GABRA2: variants seen among roughly 807,000 people sequenced by gnomAD.
The protein encoded by GABRA2 is gamma-aminobutyric acid receptor subunit alpha-2.
Under a neutral mutation model 48.7 loss-of-function variants are expected in GABRA2, and 16 were observed. The ratio of observed to expected loss-of-function variants is 0.33; its 90% CI spans 0.22 to 0.50. GABRA2 has a LOEUF of 0.50. GABRA2 is among the 20% of genes least tolerant of loss of function. The pLI, the probability that GABRA2 is intolerant of heterozygous loss-of-function variation, is 0.98. For synonymous variants in GABRA2, 185 were observed against 184.5 expected (o/e 1.00, Z -0.02); for missense variants, 275 against 535.6 (o/e 0.51, Z 4.80).
chr4:46,317,091 A>T (rs1026438765), intron 4 of GABRA2, among the ~76,000 whole-genome samples: 2 of 151,956 alleles, frequency 1.3e-5, no homozygotes, highest in African/African-American at 4.8e-5. Flanking sequence ...CCAGTATTTC[A>T]TCATTGCAAC....
At chr4:46,355,333 A>T (rs1275194320) in intron 3 of GABRA2, among the ~76,000 whole-genome samples, 2 of 152,138 alleles carry the variant, frequency 1.3e-5, no homozygotes, top group Non-Finnish European at 2.9e-5. Flanking sequence ...TTTAGAATTA[A>T]ACATCCATCA....
At chr4:46,359,421 T>G (rs774524604) in intron 3 of GABRA2, among the ~76,000 whole-genome samples, 12 of 152,102 alleles carry the variant, frequency 7.9e-5, no homozygotes, top group South Asian at 2.1e-4. Flanking sequence ...AAAGATACTA[T>G]CAGCCCCTTC....
At chr4:46,355,545 T>TAATATCTTTATTATATATATAATATA (rs1735823103) in intron 3 of GABRA2, among the ~76,000 whole-genome samples, 1 of 152,150 alleles carries the variant, frequency 6.6e-6, no homozygotes. Context: ...AAGTTATTAT[T>TAATATCTTTATTATATATATAATATA]AAGTCAAAGA....
intron 4 of GABRA2, among the ~76,000 whole-genome samples, chr4:46,319,466 T>C (rs1010458372): frequency 2.0e-5 from 3 of 151,762 alleles, no homozygotes; most frequent in Non-Finnish European, 2.9e-5. Flanking sequence ...GTAAAAAATA[T>C]CACTCTTGGA....
At position 46,251,019 on chromosome 4, in the gene GABRA2, T is replaced by C. The variant is rs1318184658; in HGVS notation, c.1060-415A>G. Reference sequence around the variant, plus strand: ...GAATGATCCCACATTTCTAGCTTAGTAACAGGATTCCCTCCCACCTCACGT... The same window carrying C: ...GAATGATCCCACATTTCTAGCTTAGCAACAGGATTCCCTCCCACCTCACGT... On this transcript the variant is annotated intron_variant, in intron 9 of 9. Coordinates refer to ENST00000381620, the MANE Select transcript of GABRA2 (RefSeq NM_000807.4). Among the ~76,000 whole-genome samples the C allele has an allele frequency of 2.6e-5, 4 of 151,572 alleles. No individual in the cohort carries two copies. In the Admixed American group the frequency reaches 2.6e-4, roughly 10 times the overall value.
chr4:46,250,663 TA>T, intron 9 of GABRA2, 59 bp from the exon 10 acceptor site: 3 of 1,284,230 alleles, frequency 2.3e-6, no homozygotes, highest in Non-Finnish European at 3.3e-6. Flanking sequence ...TAACATTTTC[TA>T]AAGTCCACTT....
chr4:46,339,071 A>G (rs1268819117), intron 3 of GABRA2, among the ~76,000 whole-genome samples: 1 of 151,902 alleles, frequency 6.6e-6, no homozygotes, highest in Non-Finnish European at 1.5e-5. Flanking sequence ...GTGAGTGAAT[A>G]AAGTTGTCAT....
At chr4:46,348,219 A>T (rs1578131764) in intron 3 of GABRA2, among the ~76,000 whole-genome samples, 4 of 152,190 alleles carry the variant, frequency 2.6e-5, no homozygotes, top group African/African-American at 9.6e-5. Flanking sequence ...TCAAAACCAC[A>T]ATGAGATACC....
At chr4:46,259,551 A>G (rs1234960774) in intron 9 of GABRA2, among the ~76,000 whole-genome samples, 1 of 151,948 alleles carries the variant, frequency 6.6e-6, no homozygotes, top group Non-Finnish European at 1.5e-5. Flanking sequence ...GCACATGTAA[A>G]CAGGTTAAAG....
chr4:46,322,600 T>C (rs1729644979), intron 4 of GABRA2, among the ~76,000 whole-genome samples: 1 of 152,054 alleles, frequency 6.6e-6, no homozygotes, highest in African/African-American at 2.4e-5. Flanking sequence ...TCCCTATATC[T>C]GGACAACTTT....
chr4:46,343,071 T>C (rs1295459741), intron 3 of GABRA2, among the ~76,000 whole-genome samples: 1 of 152,046 alleles, frequency 6.6e-6, no homozygotes, highest in Non-Finnish European at 1.5e-5. Flanking sequence ...AAGATCACTG[T>C]CTTCCGATAA....
At chr4:46,281,340 T>A (rs1721492537) in intron 8 of GABRA2, among the ~76,000 whole-genome samples, 1 of 152,068 alleles carries the variant, frequency 6.6e-6, no homozygotes, top group Admixed American at 6.6e-5. Flanking sequence ...CAATAAAGGC[T>A]GAGATAAATA....
intron 3 of GABRA2, among the ~76,000 whole-genome samples, chr4:46,385,344 A>G (rs910202244): frequency 1.1e-3 from 166 of 151,904 alleles, no homozygotes; most frequent in African/African-American, 3.6e-3. Flanking sequence ...GATAAATGTG[A>G]TCATTAAAAT....
rs1180035853 is a variant in GABRA2 at position 46,243,759 on chromosome 4, T to A, written c.*6549A>T. On this transcript the variant is annotated 3_prime_UTR_variant, in exon 10 of 10. Transcript: ENST00000381620. ...CCAGAAAACCTACCAATAAGTATAC[T>A]GTCACCCAGAAAATTTCAAATTTCA... The A allele has an allele frequency of 2.6e-5, 4 of 151,500 alleles. No homozygotes were observed. Among genetic ancestry groups the A allele is most frequent in the Admixed American group, 1.3e-4 (2 of 15,158 alleles). The allele number at this position is 151,500 out of a possible 1,614,324, so 9.4% of individuals were successfully genotyped here.
rs928269384 is a variant in GABRA2, at chr4:46,268,276, A to G, written c.857-6148T>C. On this transcript the variant is annotated intron_variant, in intron 8 of 9. Coordinates refer to ENST00000381620, the MANE Select transcript of GABRA2 (RefSeq NM_000807.4). ...GATAAAAATATGTGAATTGGTAGAA[A>G]AAATTTGCAAGTCACACATCTGAAA... Among the ~76,000 whole-genome samples the G allele has an allele frequency of 2.2e-4, 33 of 152,080 alleles. No homozygotes were observed. In the Middle Eastern group the frequency reaches 0.014, roughly 63 times the overall value.
intron 3 of GABRA2, among the ~76,000 whole-genome samples, chr4:46,378,847 C>A (rs1226967810): frequency 5.3e-5 from 8 of 151,310 alleles, no homozygotes; most frequent in Admixed American, 5.3e-4. Flanking sequence ...AAAAAGTAGG[C>A]AATATTTTCT....
chr4:46,244,956 T>G lies in GABRA2; in HGVS notation c.*5352A>C, dbSNP rs146611502. Among the ~76,000 whole-genome samples the G allele has an allele frequency of 1.8e-4, 28 of 151,510 alleles. No individual in the cohort carries two copies. Among genetic ancestry groups the G allele is most frequent in the Non-Finnish European group, 3.3e-4 (22 of 67,514 alleles). On this transcript the variant is annotated 3_prime_UTR_variant, in exon 10 of 10. Transcript: ENST00000381620. ...TAATGGCTCCCTTATTGAATGAATA[T>G]TCCCCAAAAGGCATGAATATAAATT... is the stretch of plus-strand genomic sequence containing the variant.
rs936855893 is a variant in GABRA2, at chr4:46,300,522, C to T, written c.856+2938G>A. Among the ~76,000 whole-genome samples, 34 of 152,064 alleles carry T rather than the reference C, an allele frequency of 2.2e-4. No individual in the cohort carries two copies. The Middle Eastern group carries it at 0.014, about 61-fold the overall frequency. On this transcript the variant is annotated intron_variant, in intron 8 of 9. Transcript: ENST00000381620. ...AGACTTATAAGTTCTATCATCTTGT[C>T]ACTTACGATTGTCATATTTATCAAT...
intron 3 of GABRA2, among the ~76,000 whole-genome samples, chr4:46,343,864 C>T (rs1255161248): frequency 6.6e-6 from 1 of 151,864 alleles, no homozygotes; most frequent in African/African-American, 2.4e-5. Flanking sequence ...AATGCATACT[C>T]CAGAGTCCAT....
Sources: gnomAD v4.1 joint callset for allele counts (sites outside exome capture counted in the v4.1 genomes callset) on GRCh38, gnomAD v4.1.1 for gene constraint, MANE v1.5 for transcripts, NCBI Gene and HGNC (gene_info 2026-07-23, HGNC 2026-07-21) for gene names.